TRAF3: variants seen among roughly 807,000 people sequenced by gnomAD.
TRAF3 encodes TNF receptor associated factor 3, also known as TNF receptor-associated factor 3.
A neutral mutation model predicts 62.3 loss-of-function variants in TRAF3; 13 were observed. The observed-to-expected ratio is 0.21, with a 90% CI of 0.14 to 0.33. The LOEUF (loss-of-function observed/expected upper bound fraction) is 0.33, where lower values mean the gene tolerates loss of function less well. TRAF3 is among the 10% of genes least tolerant of loss of function. The pLI, the probability that TRAF3 is intolerant of heterozygous loss-of-function variation, is 1.00. For synonymous variants in TRAF3, 269 were observed against 283.4 expected (o/e 0.95, Z 0.51); for missense variants, 440 against 741.8 (o/e 0.59, Z 4.73).
At chr14:102,811,728 A>AGTGT (rs146439927) in intron 1 of TRAF3, among the ~76,000 whole-genome samples, 60 of 138,616 alleles carry the variant, frequency 4.3e-4, no homozygotes, top group African/African-American at 1.5e-3. Context: ...CTACAGCAGT[A>AGTGT]GTGTGTGTGT....
At chr14:102,837,155 G>GA (rs1886074275) in intron 2 of TRAF3, among the ~76,000 whole-genome samples, 1 of 150,850 alleles carries the variant, frequency 6.6e-6, no homozygotes, top group African/African-American at 2.4e-5. Flanking sequence ...TTTTTTGGGG[G>GA]GGGGTGAAGG....
At chr14:102,885,768 A>G (rs759046888) in intron 6 of TRAF3, among the ~76,000 whole-genome samples, 2 of 152,200 alleles carry the variant, frequency 1.3e-5, no homozygotes, top group Non-Finnish European at 2.9e-5. Context: ...TCTCTCAACC[A>G]GCAGAGGCAG....
chr14:102,890,492 T>A (rs1889647044), intron 8 of TRAF3, among the ~76,000 whole-genome samples: 1 of 152,236 alleles, frequency 6.6e-6, no homozygotes, highest in Admixed American at 6.5e-5. Context: ...TGTTCTGTCG[T>A]ACGTAGTATC....
intron 2 of TRAF3, among the ~76,000 whole-genome samples, chr14:102,844,172 C>G (rs1886554586): frequency 6.6e-6 from 1 of 152,220 alleles, no homozygotes; most frequent in Admixed American, 6.5e-5. Context: ...CTTAATTGAC[C>G]TATACAGTTC....
chr14:102,879,026 G>A (rs934894222), intron 6 of TRAF3, among the ~76,000 whole-genome samples: 1 of 152,134 alleles, frequency 6.6e-6, no homozygotes, highest in African/African-American at 2.4e-5. Flanking sequence ...GTGAGTGGAG[G>A]GTGATGGGCT....
chr14:102,854,077 A>G (rs1343583074), intron 2 of TRAF3, among the ~76,000 whole-genome samples: 1 of 152,144 alleles, frequency 6.6e-6, no homozygotes. Context: ...AACTTACATA[A>G]TGTTTTCAGG....
intron 2 of TRAF3, among the ~76,000 whole-genome samples, chr14:102,862,702 C>CT (rs1319431007): frequency 1.3e-5 from 2 of 151,992 alleles, no homozygotes; most frequent in African/African-American, 2.4e-5. Flanking sequence ...TTTTTTTTGT[C>CT]TTTTTTTCTC....
chr14:102,830,041 A>G (rs1014532910), intron 1 of TRAF3, among the ~76,000 whole-genome samples: 4 of 152,252 alleles, frequency 2.6e-5, no homozygotes, highest in African/African-American at 7.2e-5. Context: ...TGACATCTTG[A>G]TGGCCAGAGA....
In TRAF3 at chr14:102,906,196, T is replaced by C. The variant is rs969209812; in HGVS notation, c.*412T>C. 1 of 168,366 alleles carries C rather than the reference T, an allele frequency of 5.9e-6. No individual in the cohort carries two copies. The highest frequency in any genetic ancestry group is 5.6e-5 in the Admixed American group (1 of 17,948). 10.4% of individuals were successfully genotyped at this position (168,366 alleles called of 1,614,324 possible). A position where few individuals can be genotyped will look rare whatever the true frequency, so the allele number is the denominator to read the frequency against. The stretch of plus-strand genomic sequence containing the variant: ...GTCAGCATGTTAAGTAAAAGGAGAA[T>C]TTATGAAATAGTAATGCAATTCTGA... On this transcript the variant is annotated 3_prime_UTR_variant, in exon 12 of 12. Transcript: ENST00000392745.
At chr14:102,869,614 G>A (rs575714474) in intron 2 of TRAF3, among the ~76,000 whole-genome samples, 26 of 151,972 alleles carry the variant, frequency 1.7e-4, no homozygotes, top group East Asian at 3.9e-4. Context: ...AGATCATCCC[G>A]GCTAATGTGG....
chr14:102,896,908 A>AT (rs1390099687), intron 9 of TRAF3, among the ~76,000 whole-genome samples: 1 of 152,096 alleles, frequency 6.6e-6, no homozygotes, highest in Non-Finnish European at 1.5e-5. Context: ...TAAAAAAATT[A>AT]TTTTTTTAAA....
chr14:102,883,210 A>G (rs1210724111), intron 6 of TRAF3, among the ~76,000 whole-genome samples: 1 of 152,218 alleles, frequency 6.6e-6, no homozygotes, highest in Non-Finnish European at 1.5e-5. Flanking sequence ...ATTATATTAC[A>G]GTGTTGTTAT....
Position 102,797,973 on chromosome 14 carries a change from G to A in TRAF3, c.-157+20298G>A, listed in dbSNP as rs138523347. Among the ~76,000 whole-genome samples, 845 of 152,204 alleles carry A rather than the reference G, an allele frequency of 5.6e-3. 3 individuals carry two copies. The highest frequency in any genetic ancestry group is 8.5e-3 in the Non-Finnish European group (575 of 68,012). On this transcript the variant is annotated intron_variant, in intron 1 of 11. Coordinates refer to ENST00000392745, the MANE Select transcript of TRAF3 (RefSeq NM_145725.3). ...GCTGGTCTCCAACTCCTGACCTCAG[G>A]TGATCTACCTGCCTCGGCCTCTCAG...
chr14:102,854,472 A>G (rs1887240759), intron 2 of TRAF3, among the ~76,000 whole-genome samples: 1 of 152,196 alleles, frequency 6.6e-6, no homozygotes, highest in African/African-American at 2.4e-5. Flanking sequence ...AATTTTAGCC[A>G]TCCAAGTGAC....
At chr14:102,875,214 C>G (rs570732652) in intron 4 of TRAF3, among the ~76,000 whole-genome samples, 54 of 152,292 alleles carry the variant, frequency 3.5e-4, no homozygotes, top group African/African-American at 1.3e-3. Flanking sequence ...TGCTCTTGTC[C>G]TCTGGTGACA....
intron 9 of TRAF3, among the ~76,000 whole-genome samples, chr14:102,891,809 A>G (rs2139946739): frequency 6.6e-6 from 1 of 152,264 alleles, no homozygotes; most frequent in Non-Finnish European, 1.5e-5. Flanking sequence ...GTTAAGAGAC[A>G]TGTGGACTGT....
At chr14:102,839,210 CTTTTTTTTTT>C (rs56998347) in intron 2 of TRAF3, among the ~76,000 whole-genome samples, 33 of 89,826 alleles carry the variant, frequency 3.7e-4, no homozygotes, top group South Asian at 8.8e-4. Flanking sequence ...GTTGATTTGC[CTTTTTTTTTT>C]TTTTTTTTTT....
intron 2 of TRAF3, among the ~76,000 whole-genome samples, chr14:102,844,533 T>C (rs550516579): frequency 6.6e-6 from 1 of 152,240 alleles, no homozygotes; most frequent in Non-Finnish European, 1.5e-5. Context: ...CAGGTGCAAA[T>C]CACAGGCTTT....
intron 2 of TRAF3, among the ~76,000 whole-genome samples, chr14:102,855,915 C>T (rs548520154): frequency 3.7e-4 from 56 of 151,622 alleles, no homozygotes; most frequent in African/African-American, 1.2e-3. Flanking sequence ...AATATAATGA[C>T]ACCCCGTCTC....
Sources: gnomAD v4.1 joint callset for allele counts (sites outside exome capture counted in the v4.1 genomes callset) on GRCh38, gnomAD v4.1.1 for gene constraint, MANE v1.5 for transcripts, NCBI Gene and HGNC (gene_info 2026-07-23, HGNC 2026-07-21) for gene names.